The following BTBD10 variants were observed in gnomAD, a reference collection of about 807,000 sequenced individuals.
BTBD10 encodes the protein BTB/POZ domain-containing protein 10.
BTBD10 carries 21 observed loss-of-function variants against 53.2 expected under a neutral mutation model. That is an observed-to-expected ratio of 0.39 (90% CI 0.28 to 0.57). The LOEUF (loss-of-function observed/expected upper bound fraction) is 0.57. Ranked by LOEUF, BTBD10 falls within the 20% of genes least tolerant of loss-of-function variation. The pLI is 0.53. For synonymous variants in BTBD10, 149 were observed against 192.7 expected (o/e 0.77, Z 1.88); for missense variants, 360 against 594.7 (o/e 0.61, Z 4.10).
In BTBD10 at chr11:13,417,265, G is replaced by A; in HGVS notation, c.585-5C>T. 1 of 1,593,036 alleles carries A rather than the reference G, an allele frequency of 6.3e-7. No individual in the cohort carries two copies. The highest frequency in any genetic ancestry group is 8.6e-7 in the Non-Finnish European group (1 of 1,166,144). ...TCTCGGCCAGATCCAAACATCCTATGATAGTAAATAATTGAGAAATACGTC... is the reference window on the plus strand; with the variant it reads ...TCTCGGCCAGATCCAAACATCCTATAATAGTAAATAATTGAGAAATACGTC... On this transcript the variant is annotated splice_polypyrimidine_tract_variant and splice_region_variant and intron_variant, in intron 4 of 8. Coordinates refer to ENST00000278174, the MANE Select transcript of BTBD10 (RefSeq NM_032320.7).
At chr11:13,394,103 G>C (rs1949474703) in intron 8 of BTBD10, among the ~76,000 whole-genome samples, 1 of 152,198 alleles carries the variant, frequency 6.6e-6, no homozygotes. Context: ...TTTAGGTAAT[G>C]ATTAGCGGGG....
At chr11:13,453,988 G>A (rs1342430319) in intron 1 of BTBD10, among the ~76,000 whole-genome samples, 3 of 152,102 alleles carry the variant, frequency 2.0e-5, no homozygotes, top group Non-Finnish European at 4.4e-5. Flanking sequence ...GGAGGTGGAG[G>A]TTGCAGTGAG....
chr11:13,461,262 T>C (rs1951089026), intron 1 of BTBD10, among the ~76,000 whole-genome samples: 1 of 152,322 alleles, frequency 6.6e-6, no homozygotes, highest in South Asian at 2.1e-4. Flanking sequence ...ATATTTTTAA[T>C]GGTTTTAATT....
intron 6 of BTBD10, among the ~76,000 whole-genome samples, chr11:13,410,296 C>G (rs960290155): frequency 6.6e-6 from 1 of 152,152 alleles, no homozygotes; most frequent in Admixed American, 6.5e-5. Context: ...AAGTAGCTAA[C>G]AGTGGAGAAC....
At chr11:13,439,241 T>C (rs1030497221) in intron 2 of BTBD10, among the ~76,000 whole-genome samples, 1 of 152,102 alleles carries the variant, frequency 6.6e-6, no homozygotes, top group Non-Finnish European at 1.5e-5. Flanking sequence ...GTGAGCAATA[T>C]CACCTGTTAA....
intron 2 of BTBD10, among the ~76,000 whole-genome samples, chr11:13,422,525 A>C (rs1950264095): frequency 6.6e-6 from 1 of 152,094 alleles, no homozygotes; most frequent in African/African-American, 2.4e-5. Context: ...GCACACACCT[A>C]TAATCCCAGC....
intron 6 of BTBD10, among the ~76,000 whole-genome samples, chr11:13,411,972 C>T (rs1009735956): frequency 3.3e-5 from 5 of 152,026 alleles, no homozygotes; most frequent in Non-Finnish European, 5.9e-5. Flanking sequence ...GCTGGAATTA[C>T]AGGCATGCAC....
chr11:13,406,560 T>TGA (rs72242186), intron 6 of BTBD10, among the ~76,000 whole-genome samples: 3,307 of 141,386 alleles, frequency 0.023, 96 homozygotes, highest in African/African-American at 0.072. Context: ...TACGCATGAG[T>TGA]GAGAGAGAGA....
In BTBD10 at chr11:13,416,018, C is replaced by CA. The variant is rs966508143; in HGVS notation, c.687+1139dup. Among the ~76,000 whole-genome samples the CA allele has an allele frequency of 2.5e-3, 343 of 136,484 alleles. 1 individual carries two copies. The highest frequency in any genetic ancestry group is 3.6e-3 in the Middle Eastern group (1 of 276). 89.5% of individuals were successfully genotyped at this position (136,484 alleles called of 152,430 possible). On this transcript the variant is annotated intron_variant, in intron 5 of 8. Coordinates refer to ENST00000278174, the MANE Select transcript of BTBD10 (RefSeq NM_032320.7). ...GGACTCTGTGTGATAAAATATTTTTCAAAAAAAAAAACAGTTAAAACCTCA... is the reference window on the plus strand; with the variant it reads ...GGACTCTGTGTGATAAAATATTTTTCAAAAAAAAAAAACAGTTAAAACCTCA...
rs554489748 is a variant in BTBD10 at position 13,443,096 on chromosome 11, C to T, written c.101+1928G>A. On this transcript the variant is annotated intron_variant, in intron 2 of 8. Coordinates refer to ENST00000278174, the MANE Select transcript of BTBD10 (RefSeq NM_032320.7). ...GCTGCAGTCTACCTAAAAAGAGCTC[C>T]AATTAGCTGAGTGTGGTGGTAGCGG... is the stretch of plus-strand genomic sequence containing the variant. Among the ~76,000 whole-genome samples, 8 of 151,928 alleles carry T rather than the reference C, an allele frequency of 5.3e-5. No individual in the cohort carries two copies. The South Asian group carries it at 6.2e-4, about 12-fold the overall frequency.
At chr11:13,434,034 A>G in intron 2 of BTBD10, among the ~76,000 whole-genome samples, 1 of 152,202 alleles carries the variant, frequency 6.6e-6, no homozygotes, top group Non-Finnish European at 1.5e-5. Flanking sequence ...GATCACCTGT[A>G]AGTCTGTTGT....
At chr11:13,460,366 A>ACCC (rs912508459) in intron 1 of BTBD10, among the ~76,000 whole-genome samples, 12 of 151,870 alleles carry the variant, frequency 7.9e-5, no homozygotes, top group African/African-American at 2.7e-4. Flanking sequence ...CCAAGTGAAG[A>ACCC]CCCCCAACTT....
At chr11:13,391,401 T>C (rs892063373) in intron 8 of BTBD10, among the ~76,000 whole-genome samples, 1 of 152,220 alleles carries the variant, frequency 6.6e-6, no homozygotes, top group Admixed American at 6.5e-5. Context: ...TTATGCTCCA[T>C]AGCACTCCCA....
At chr11:13,442,376 T>G (rs1277785749) in intron 2 of BTBD10, among the ~76,000 whole-genome samples, 1 of 152,170 alleles carries the variant, frequency 6.6e-6, no homozygotes, top group Non-Finnish European at 1.5e-5. Flanking sequence ...TTATGTAAAA[T>G]TTGAAAAAGA....
chr11:13,389,229 C>G (rs1949341818), intron 8 of BTBD10, 88 bp from the exon 9 acceptor site: 1 of 1,050,840 alleles, frequency 9.5e-7, no homozygotes, highest in Middle Eastern at 2.1e-4. Flanking sequence ...TGCTATAGAT[C>G]CTAAAGAAAC....
chr11:13,406,242 G>C (rs1949823302), intron 6 of BTBD10, among the ~76,000 whole-genome samples: 1 of 152,074 alleles, frequency 6.6e-6, no homozygotes, highest in Non-Finnish European at 1.5e-5. Flanking sequence ...GAGCTGAAAA[G>C]GGTCAATAGT....
Position 13,388,328 on chromosome 11 carries a change from T to TC in BTBD10, c.*502dup, listed in dbSNP as rs1192306753. ...GCCCAAGATAAATACTTTTTGCTCA[T>TC]CAAGGGCAGCAAACTATACAAATTG... On this transcript the variant is annotated 3_prime_UTR_variant, in exon 9 of 9. Transcript: ENST00000278174. The TC allele has an allele frequency of 6.5e-6, 1 of 154,684 alleles. No homozygotes were observed. Among genetic ancestry groups the TC allele is most frequent in the East Asian group, 1.9e-4 (1 of 5,260 alleles). 9.6% of individuals were successfully genotyped at this position (154,684 alleles called of 1,614,324 possible).
At chr11:13,427,796 T>G (rs537875163) in intron 2 of BTBD10, among the ~76,000 whole-genome samples, 31 of 152,234 alleles carry the variant, frequency 2.0e-4, no homozygotes, top group African/African-American at 7.5e-4. Flanking sequence ...ACAATGGAAT[T>G]AAAGTAAAAT....
intron 1 of BTBD10, among the ~76,000 whole-genome samples, chr11:13,455,195 G>C (rs922124621): frequency 7.2e-5 from 11 of 152,236 alleles, no homozygotes. Context: ...TTATAGGCAT[G>C]AGCCACTGCG....
Sources: allele counts gnomAD v4.1 joint callset (sites outside exome capture counted in the v4.1 genomes callset), GRCh38; gene constraint gnomAD v4.1.1; transcripts MANE v1.5; gene names NCBI Gene and HGNC (gene_info 2026-07-23, HGNC 2026-07-21).